The following MYO16 variants were observed in gnomAD, a reference collection of about 807,000 sequenced individuals.
MYO16 encodes the protein myosin XVI.
In MYO16, 94 loss-of-function variants were observed where a neutral mutation model predicts 205.3. The observed-to-expected ratio is 0.46, with a 90% CI of 0.39 to 0.54. MYO16 has a LOEUF of 0.54. Ranked by LOEUF, MYO16 falls within the 20% of genes least tolerant of loss-of-function variation. MYO16 has a pLI of 0.00. For missense variants in MYO16, 2,315 were observed against 2,387.5 expected (o/e 0.97, Z 0.63); for synonymous variants, 988 against 954.0 (o/e 1.04, Z -0.66).
At chr13:109,183,408 C>T (rs1879539993) in intron 34 of MYO16, among the ~76,000 whole-genome samples, 1 of 152,152 alleles carries the variant, frequency 6.6e-6, no homozygotes, top group African/African-American at 2.4e-5. Flanking sequence ...AGAATGATGG[C>T]AGAAGGGGAC....
At chr13:109,139,736 A>G (rs959223237) in intron 31 of MYO16, among the ~76,000 whole-genome samples, 2 of 152,224 alleles carry the variant, frequency 1.3e-5, no homozygotes, top group South Asian at 2.1e-4. Flanking sequence ...TACATGCATC[A>G]GCTAACAGAA....
intron 16 of MYO16, among the ~76,000 whole-genome samples, chr13:108,914,386 G>A (rs1243893386): frequency 6.6e-6 from 1 of 151,922 alleles, no homozygotes; most frequent in Non-Finnish European, 1.5e-5. Context: ...CATGAACACA[G>A]CATCTCTTTG....
intron 27 of MYO16, among the ~76,000 whole-genome samples, chr13:109,075,951 T>C (rs903457819): frequency 6.6e-6 from 1 of 152,190 alleles, no homozygotes; most frequent in Non-Finnish European, 1.5e-5. Context: ...GAAGATGTCT[T>C]ATCTGGAAGG....
intron 4 of MYO16, among the ~76,000 whole-genome samples, chr13:108,763,231 A>G (rs1488950522): frequency 6.6e-6 from 1 of 152,182 alleles, no homozygotes; most frequent in Non-Finnish European, 1.5e-5. Flanking sequence ...TATGTGGTAT[A>G]CTAGTTCATG....
At chr13:108,720,249 G>A (rs1019374407) in intron 3 of MYO16, among the ~76,000 whole-genome samples, 1 of 152,180 alleles carries the variant, frequency 6.6e-6, no homozygotes, top group Non-Finnish European at 1.5e-5. Flanking sequence ...GTGGACGAGA[G>A]TTTGCAAAGA....
intron 16 of MYO16, among the ~76,000 whole-genome samples, chr13:108,926,926 C>T (rs1249169489): frequency 6.6e-6 from 1 of 152,174 alleles, no homozygotes; most frequent in Non-Finnish European, 1.5e-5. Context: ...GTTTAGGCTA[C>T]AGGCACTGTC....
chr13:108,900,830 G>T (rs1880672425), intron 15 of MYO16, among the ~76,000 whole-genome samples: 1 of 152,188 alleles, frequency 6.6e-6, no homozygotes, highest in Non-Finnish European at 1.5e-5. Context: ...AACTCTGACT[G>T]CCAGTGAGCC....
intron 21 of MYO16, among the ~76,000 whole-genome samples, chr13:108,996,149 A>G (rs1199174735): frequency 6.6e-6 from 1 of 152,236 alleles, no homozygotes; most frequent in East Asian, 1.9e-4. Context: ...TTATTGCGGC[A>G]CTATTCACAA....
chr13:108,961,626 T>A lies in MYO16; in HGVS notation c.2125T>A (p.Phe709Ile), dbSNP rs143666698. ...TGCCCTGAATGAGGGGAACTCCGCC[T>A]TCGTTTCTGACCTCCAGCTCCTGGA... ...FTALNEGNSA[F>I]VSDLQLLEQV... The change falls in exon 18 of 35, where the codon TTC (phenylalanine) becomes ATC (isoleucine). Residue 709 changes from phenylalanine to isoleucine, a missense_variant. By Grantham distance (21) the Phe-to-Ile change is conservative. This residue lies in a region of MYO16 where 1,213 missense variants were observed against 1,274.4 expected (regional missense o/e 0.95). Coordinates refer to ENST00000457511, the MANE Select transcript of MYO16 (RefSeq NM_001198950.3). The A allele has an allele frequency of 3.8e-5, 62 of 1,613,942 alleles. No homozygotes were observed. The highest frequency in any genetic ancestry group is 5.1e-5 in the Non-Finnish European group (60 of 1,179,924).
chr13:108,761,030 A>T (rs192544796), intron 4 of MYO16, among the ~76,000 whole-genome samples: 1 of 152,310 alleles, frequency 6.6e-6, no homozygotes, highest in East Asian at 1.9e-4. Flanking sequence ...GTTGAATAAT[A>T]TTCCATTGTG....
chr13:108,656,199 G>T (rs962831737), intron 1 of MYO16, among the ~76,000 whole-genome samples: 1 of 152,098 alleles, frequency 6.6e-6, no homozygotes, highest in African/African-American at 2.4e-5. Flanking sequence ...CCCAGTTGGA[G>T]ATAATTTGAA....
At chr13:108,876,073 G>A (rs1284627907) in intron 12 of MYO16, among the ~76,000 whole-genome samples, 2 of 151,816 alleles carry the variant, frequency 1.3e-5, no homozygotes, top group Non-Finnish European at 2.9e-5. Flanking sequence ...GTTAGTACAA[G>A]TTTTCAAACA....
rs544675142 is a variant in MYO16, at chr13:109,023,241, AAT to A, written c.2796+3339_2796+3340del. On this transcript the variant is annotated intron_variant, in intron 23 of 34. Coordinates refer to ENST00000457511, the MANE Select transcript of MYO16 (RefSeq NM_001198950.3). ...TATATTTATATATTATACAGATATAAATATATATATTTATATATTATACAGAT... is the reference window on the plus strand; with the variant it reads ...TATATTTATATATTATACAGATATAAATATATATTTATATATTATACAGAT... 2.2e-3 allele frequency among the ~76,000 whole-genome samples: 224 copies of A among 101,286 alleles called. 1 individual carries two copies. Among genetic ancestry groups the A allele is most frequent in the South Asian group, 4.6e-3 (15 of 3,248 alleles). 66.4% of individuals were successfully genotyped at this position (101,286 alleles called of 152,430 possible). A position where few individuals can be genotyped will look rare whatever the true frequency, so the allele number is the denominator to read the frequency against.
chr13:109,176,470 T>C (rs7324758), intron 33 of MYO16, among the ~76,000 whole-genome samples: 23,650 of 150,384 alleles, frequency 0.16, 2,516 homozygotes, highest in East Asian at 0.53. Context: ...CATGAATCCG[T>C]TTTCTTTTTT....
intron 16 of MYO16, among the ~76,000 whole-genome samples, chr13:108,932,961 C>T (rs557882103): frequency 7.2e-4 from 110 of 152,112 alleles, no homozygotes; most frequent in Non-Finnish European, 1.2e-3. Flanking sequence ...ATGAATTCCA[C>T]GGTAGAGATA....
At chr13:108,779,488 A>G (rs1313270707) in intron 4 of MYO16, 2 of 152,242 alleles carry the variant, frequency 1.3e-5, no homozygotes, top group Admixed American at 1.3e-4. Context: ...CCCTCCCCCA[A>G]GGCTGAGAGT....
At chr13:108,992,264 A>G in intron 20 of MYO16, 112 bp from the exon 21 acceptor site, 1 of 606,904 alleles carries the variant, frequency 1.6e-6, no homozygotes, top group Non-Finnish European at 2.7e-6. Context: ...TTTTAGTCCA[A>G]ATTGGCAGCA....
At position 109,094,491 on chromosome 13, in the gene MYO16, G is replaced by A. The variant is rs139332990; in HGVS notation, c.3336-6294G>A. ...CTCCCAAGTTGCTAGGACAACAGGCGTGAGCCACTGTTCCCAGCCCTTATT... is the reference window on the plus strand; with the variant it reads ...CTCCCAAGTTGCTAGGACAACAGGCATGAGCCACTGTTCCCAGCCCTTATT... On this transcript the variant is annotated intron_variant, in intron 27 of 34. Coordinates refer to ENST00000457511, the MANE Select transcript of MYO16 (RefSeq NM_001198950.3). 1.6e-3 allele frequency among the ~76,000 whole-genome samples: 243 copies of A among 152,304 alleles called. 1 individual carries two copies. Among genetic ancestry groups the A allele is most frequent in the Middle Eastern group, 0.01 (3 of 294 alleles).
intron 4 of MYO16, among the ~76,000 whole-genome samples, chr13:108,784,624 A>G (rs944852947): frequency 4.1e-4 from 63 of 152,258 alleles, no homozygotes; most frequent in Non-Finnish European, 7.3e-5. Flanking sequence ...AAATATTAAC[A>G]CATAAAATTT....
Sources: gnomAD v4.1 joint callset for allele counts (sites outside exome capture counted in the v4.1 genomes callset) on GRCh38, gnomAD v4.1.1 for gene constraint, gnomAD v4.1.1 regional missense constraint, MANE v1.5 for transcripts, NCBI Gene and HGNC (gene_info 2026-07-23, HGNC 2026-07-21) for gene names.